CADPS2: variants seen among roughly 807,000 people sequenced by gnomAD.
The protein encoded by CADPS2 is calcium dependent secretion activator 2, also known as calcium-dependent secretion activator 2.
In CADPS2, 93 loss-of-function variants were observed where a neutral mutation model predicts 172.5. The ratio of observed to expected loss-of-function variants is 0.54; its 90% CI spans 0.46 to 0.64. The LOEUF (loss-of-function observed/expected upper bound fraction) is 0.64, where lower values mean the gene tolerates loss of function less well. Among genes scored for constraint, CADPS2 ranks in the 30% least tolerant of loss-of-function variants. The probability of loss-of-function intolerance (pLI) is 0.00; values close to 1 mark genes in which losing one functional copy is unlikely to be tolerated. For synonymous variants in CADPS2, 546 were observed against 555.2 expected (o/e 0.98, Z 0.23); for missense variants, 1,420 against 1,565.9 (o/e 0.91, Z 1.57).
intron 11 of CADPS2, among the ~76,000 whole-genome samples, chr7:122,486,451 A>G (rs985968596): frequency 2.6e-5 from 4 of 152,180 alleles, no homozygotes; most frequent in Non-Finnish European, 5.9e-5. Flanking sequence ...AAATAGCAAA[A>G]GAACCAGAAT....
intron 1 of CADPS2, among the ~76,000 whole-genome samples, chr7:122,885,730 G>A (rs549123372): frequency 8.7e-4 from 132 of 152,258 alleles, no homozygotes; most frequent in African/African-American, 3.1e-3. Context: ...CAACCGCGGC[G>A]CGGCCGGCGC....
intron 19 of CADPS2, among the ~76,000 whole-genome samples, chr7:122,408,682 C>A (rs1018167213): frequency 6.6e-6 from 1 of 152,198 alleles, no homozygotes; most frequent in East Asian, 1.9e-4. Flanking sequence ...CGGCCTTGGC[C>A]TCTCAGAGTG....
At chr7:122,722,956 T>C (rs564061648) in intron 2 of CADPS2, among the ~76,000 whole-genome samples, 41 of 151,994 alleles carry the variant, frequency 2.7e-4, no homozygotes, top group African/African-American at 7.0e-4. Context: ...ATAAATGGTG[T>C]TGGGAAAACT....
rs531143415 is a variant in CADPS2 at position 122,469,827 on chromosome 7, G to A, written c.2186+1548C>T. Among the ~76,000 whole-genome samples the A allele has an allele frequency of 1.8e-3, 269 of 145,780 alleles. 2 individuals are homozygous for A. Among genetic ancestry groups the A allele is most frequent in the Middle Eastern group, 3.7e-3 (1 of 270 alleles). ...GGAACAGAAGCAGGTGTGTGTCTGTGTGTGTGTGTGTGTGCACGTACACAC... is the reference window on the plus strand; with the variant it reads ...GGAACAGAAGCAGGTGTGTGTCTGTATGTGTGTGTGTGTGCACGTACACAC... On this transcript the variant is annotated intron_variant, in intron 14 of 29. Coordinates refer to ENST00000449022, the MANE Select transcript of CADPS2 (RefSeq NM_017954.11).
At chr7:122,726,713 CT>C (rs551300733) in intron 2 of CADPS2, among the ~76,000 whole-genome samples, 8 of 138,774 alleles carry the variant, frequency 5.8e-5, no homozygotes, top group African/African-American at 2.1e-4. Flanking sequence ...CTCTTAAAAA[CT>C]TTTAAAAAAG....
intron 25 of CADPS2, among the ~76,000 whole-genome samples, chr7:122,373,794 T>C (rs1388725432): frequency 6.6e-6 from 1 of 151,954 alleles, no homozygotes; most frequent in Non-Finnish European, 1.5e-5. Flanking sequence ...TACCAAACAT[T>C]TAAAGAAGTG....
chr7:122,731,675 A>G (rs74795683), intron 2 of CADPS2, among the ~76,000 whole-genome samples: 7 of 87,642 alleles, frequency 8.0e-5, no homozygotes, highest in East Asian at 6.9e-4. Flanking sequence ...TGAAGAGGGG[A>G]AAAAAAAACC....
chr7:122,417,737 C>T (rs546480312), intron 17 of CADPS2, among the ~76,000 whole-genome samples: 1 of 152,102 alleles, frequency 6.6e-6, no homozygotes, highest in Non-Finnish European at 1.5e-5. Context: ...ATTGGTGATG[C>T]AGGAAATGTG....
At chr7:122,822,621 G>C (rs1035587911) in intron 1 of CADPS2, among the ~76,000 whole-genome samples, 1 of 147,976 alleles carries the variant, frequency 6.8e-6, no homozygotes. Flanking sequence ...CAGATGGCCT[G>C]AAGTAACTGA....
chr7:122,410,172 C>T (rs766309529), intron 19 of CADPS2, among the ~76,000 whole-genome samples: 8 of 151,854 alleles, frequency 5.3e-5, no homozygotes, highest in East Asian at 1.9e-4. Flanking sequence ...GGGGAAACCC[C>T]GTCTCTACTA....
rs544591660 is a variant in CADPS2, at chr7:122,435,018, A to G, written c.2476+3323T>C. 3.3e-5 allele frequency among the ~76,000 whole-genome samples: 5 copies of G among 152,318 alleles called. No homozygotes were observed. In the South Asian group the frequency reaches 6.2e-4, roughly 19 times the overall value. On this transcript the variant is annotated intron_variant, in intron 17 of 29. Transcript: ENST00000449022. ...GGTTTTTTGCTTTAAATTTGTATCA[A>G]AAATATTGCTGAATTTTTAGAGATG...
intron 1 of CADPS2, among the ~76,000 whole-genome samples, chr7:122,868,475 A>C (rs1818858332): frequency 6.6e-6 from 1 of 152,128 alleles, no homozygotes; most frequent in African/African-American, 2.4e-5. Flanking sequence ...ACCTCTCTCA[A>C]GGCAATATCA....
At chr7:122,432,518 G>A (rs1487440931) in intron 17 of CADPS2, among the ~76,000 whole-genome samples, 2 of 151,848 alleles carry the variant, frequency 1.3e-5, no homozygotes, top group East Asian at 1.9e-4. Flanking sequence ...GCAGATGCCT[G>A]TAATCCCAGC....
At chr7:122,410,434 T>C (rs542816245) in intron 19 of CADPS2, among the ~76,000 whole-genome samples, 4 of 144,588 alleles carry the variant, frequency 2.8e-5, no homozygotes, top group Non-Finnish European at 6.0e-5. Context: ...CTGACAATAC[T>C]TGGAAAGCCT....
At chr7:122,765,823 T>C (rs1346611053) in intron 1 of CADPS2, among the ~76,000 whole-genome samples, 1 of 152,122 alleles carries the variant, frequency 6.6e-6, no homozygotes, top group African/African-American at 2.4e-5. Flanking sequence ...TTAGGTGACA[T>C]TGCCAACATC....
At chr7:122,329,091 A>G (rs1053199722) in intron 28 of CADPS2, among the ~76,000 whole-genome samples, 4 of 152,204 alleles carry the variant, frequency 2.6e-5, no homozygotes, top group Non-Finnish European at 5.9e-5. Flanking sequence ...CCTCAGTGCC[A>G]GGAGTTGCCA....
intron 1 of CADPS2, among the ~76,000 whole-genome samples, chr7:122,789,356 T>C (rs1794769403): frequency 6.6e-6 from 1 of 152,200 alleles, no homozygotes; most frequent in Non-Finnish European, 1.5e-5. Flanking sequence ...GGCCTTTAAC[T>C]GGTTCGTTTA....
At chr7:122,339,872 T>G (rs1268186451) in intron 28 of CADPS2, among the ~76,000 whole-genome samples, 1 of 151,984 alleles carries the variant, frequency 6.6e-6, no homozygotes, top group East Asian at 1.9e-4. Context: ...GTGACAAGAG[T>G]GAAACTCCAT....
chr7:122,540,977 C>T (rs13231771), intron 8 of CADPS2, among the ~76,000 whole-genome samples: 5,405 of 147,428 alleles, frequency 0.037, 183 homozygotes, highest in Non-Finnish European at 0.049. Flanking sequence ...ACTATAAATA[C>T]ATAGAGAGTA....
Sources: gnomAD v4.1 joint callset for allele counts (sites outside exome capture counted in the v4.1 genomes callset) on GRCh38, gnomAD v4.1.1 for gene constraint, MANE v1.5 for transcripts, NCBI Gene and HGNC (gene_info 2026-07-23, HGNC 2026-07-21) for gene names.